Variants in PRICKLE2 observed in about 807,000 individuals in gnomAD.
PRICKLE2 encodes the protein prickle-like protein 2.
Under a neutral mutation model 81.4 loss-of-function variants are expected in PRICKLE2, and 21 were observed. The ratio of observed to expected loss-of-function variants is 0.26; its 90% CI spans 0.18 to 0.37. The LOEUF (loss-of-function observed/expected upper bound fraction) is 0.37. PRICKLE2 is among the 10% of genes least tolerant of loss of function. The probability of loss-of-function intolerance (pLI) is 1.00; values close to 1 mark genes in which losing one functional copy is unlikely to be tolerated. For missense variants in PRICKLE2, 940 were observed against 1,109.0 expected (o/e 0.85, Z 2.16); for synonymous variants, 456 against 421.5 (o/e 1.08, Z -1.00).
At chr3:64,105,748 T>C (rs1353510628) in intron 7 of PRICKLE2, 1 of 152,198 alleles carries the variant, frequency 6.6e-6, no homozygotes, top group Non-Finnish European at 1.5e-5. Context: ...GATGGAACTG[T>C]ACTGTCACAG....
chr3:64,246,426 CA>C (rs1395752949), intron 2 of PRICKLE2, among the ~76,000 whole-genome samples: 1 of 152,164 alleles, frequency 6.6e-6, no homozygotes, highest in Non-Finnish European at 1.5e-5. Flanking sequence ...AGCACCCCCA[CA>C]ACCCTACCTT....
intron 2 of PRICKLE2, among the ~76,000 whole-genome samples, chr3:64,180,691 TC>T (rs1345992366): frequency 7.2e-5 from 11 of 152,008 alleles, no homozygotes; most frequent in African/African-American, 2.4e-4. Context: ...TGCCACCACA[TC>T]CGGCTAATTT....
intron 2 of PRICKLE2, among the ~76,000 whole-genome samples, chr3:64,234,044 A>C (rs1171035528): frequency 6.6e-6 from 1 of 152,186 alleles, no homozygotes; most frequent in Admixed American, 6.5e-5. Flanking sequence ...GTACTAATAT[A>C]CATCATATTC....
intron 6 of PRICKLE2, 44 bp downstream of exon 6, chr3:64,153,138 C>A (rs1437216463): frequency 1.3e-6 from 2 of 1,562,192 alleles, no homozygotes; most frequent in African/African-American, 1.4e-5. Context: ...ACAAAGGTGA[C>A]CGCATCACAG....
chr3:64,228,860 A>G (rs965439907), upstream of PRICKLE2, among the ~76,000 whole-genome samples: 3 of 152,240 alleles, frequency 2.0e-5, no homozygotes, highest in South Asian at 2.1e-4. Context: ...CCATAATTGC[A>G]TATAGTATAT....
At chr3:64,118,610 ATAAT>A (rs1242740245) in intron 7 of PRICKLE2, among the ~76,000 whole-genome samples, 3 of 152,180 alleles carry the variant, frequency 2.0e-5, no homozygotes, top group Non-Finnish European at 4.4e-5. Context: ...AACATCACTG[ATAAT>A]TAGAGAAATG....
chr3:64,092,860 T>A lies in PRICKLE2; in HGVS notation c.*6191A>T, dbSNP rs1312210623. ...ACATTGACAATGTGTGGAGACATTT[T>A]TAATTGTGGTTAAATAAACATAATA... On this transcript the variant is annotated 3_prime_UTR_variant, in exon 8 of 8. Transcript: ENST00000638394. 6.6e-6 allele frequency: 1 copy of A among 152,198 alleles called. No individual in the cohort carries two copies. Among genetic ancestry groups the A allele is most frequent in the African/African-American group, 2.4e-5 (1 of 41,452 alleles). The allele number at this position is 152,198 out of a possible 1,614,324, so 9.4% of individuals were successfully genotyped here.
At chr3:64,130,706 G>A (rs1269662013) in intron 7 of PRICKLE2, among the ~76,000 whole-genome samples, 2 of 152,110 alleles carry the variant, frequency 1.3e-5, no homozygotes, top group Non-Finnish European at 2.9e-5. Flanking sequence ...TTAACACTAT[G>A]GTTCTCAATA....
intron 7 of PRICKLE2, among the ~76,000 whole-genome samples, chr3:64,110,317 C>A (rs1448980857): frequency 1.3e-5 from 2 of 152,126 alleles, no homozygotes; most frequent in Non-Finnish European, 2.9e-5. Context: ...CTAAATGGCT[C>A]CCAAGTGGTA....
At chr3:64,185,625 CT>C (rs1351479480) in intron 2 of PRICKLE2, among the ~76,000 whole-genome samples, 1 of 152,148 alleles carries the variant, frequency 6.6e-6, no homozygotes, top group Non-Finnish European at 1.5e-5. Context: ...ATGATTAATA[CT>C]GAGCAGTTCT....
At chr3:64,177,073 T>C (rs1480823917) in intron 2 of PRICKLE2, among the ~76,000 whole-genome samples, 1 of 150,982 alleles carries the variant, frequency 6.6e-6, no homozygotes, top group Non-Finnish European at 1.5e-5. Context: ...CAGTGTTTTT[T>C]AATTAAAATT....
At chr3:64,169,305 G>A (rs1337840540) in intron 2 of PRICKLE2, among the ~76,000 whole-genome samples, 38 of 152,120 alleles carry the variant, frequency 2.5e-4, no homozygotes, top group Admixed American at 2.3e-3. Context: ...AGGATAGTAG[G>A]ACGGAAAGTT....
chr3:64,264,333 C>G (rs1437338733), intron 2 of PRICKLE2, among the ~76,000 whole-genome samples: 3 of 152,128 alleles, frequency 2.0e-5, no homozygotes, highest in Admixed American at 6.5e-5. Flanking sequence ...ACGTGCTTCT[C>G]AAGATAAAGT....
intron 6 of PRICKLE2, among the ~76,000 whole-genome samples, chr3:64,148,079 T>C (rs1241801068): frequency 6.6e-6 from 1 of 152,238 alleles, no homozygotes; most frequent in Non-Finnish European, 1.5e-5. Context: ...TTGAGCTAGC[T>C]TTCTAATATT....
At chr3:64,195,177 G>T (rs2078427194) in intron 2 of PRICKLE2, among the ~76,000 whole-genome samples, 1 of 152,184 alleles carries the variant, frequency 6.6e-6, no homozygotes, top group Admixed American at 6.5e-5. Flanking sequence ...CAACTTCTCT[G>T]ATCAGTTTTC....
intron 7 of PRICKLE2, chr3:64,103,010 C>CA (rs1237615225): frequency 6.6e-6 from 1 of 152,064 alleles, no homozygotes; most frequent in East Asian, 1.9e-4. Flanking sequence ...ACAAATGTGG[C>CA]AAAAGGTTAA....
In PRICKLE2 at chr3:64,099,243, AGAG is replaced by A; in HGVS notation, c.2340_2342del (p.Ser782del). 6.2e-7 allele frequency: 1 copy of A among 1,614,174 alleles called. No homozygotes were observed. Among genetic ancestry groups the A allele is most frequent in the Non-Finnish European group, 8.5e-7 (1 of 1,180,026 alleles). On this transcript the variant is annotated inframe_deletion, in exon 8 of 8. Transcript: ENST00000638394. The surrounding 1 kb of genome is among the most constrained non-coding windows in gnomAD (Gnocchi z 4.3). ...AATAGCCCTCGTTGTCAGACTCTGA[AGAG>A]GAGGAGCAGGTGGAACACCAATCAT...
chr3:64,224,910 C>A lies in PRICKLE2; in HGVS notation c.-41G>T, dbSNP rs983516882. 1.0e-6 allele frequency: 1 copy of A among 985,224 alleles called. No individual in the cohort carries two copies. Among genetic ancestry groups the A allele is most frequent in the Non-Finnish European group, 1.2e-6 (1 of 829,900 alleles). The allele number at this position is 985,224 out of a possible 1,614,324, so 61.0% of individuals were successfully genotyped here. ...GAATTAGAGCAAATTTCTTACCCAC[C>A]TCCAGGGAGGATGAAATGCCCAGTC... On this transcript the variant is annotated splice_region_variant and 5_prime_UTR_variant, in exon 1 of 8. It adds an upstream start codon to the 5' untranslated region. Transcript: ENST00000638394.
At chr3:64,118,263 A>G (rs1351829454) in intron 7 of PRICKLE2, among the ~76,000 whole-genome samples, 2 of 152,220 alleles carry the variant, frequency 1.3e-5, no homozygotes, top group Non-Finnish European at 2.9e-5. Context: ...CCTAGGCAAT[A>G]TCATTCAGGA....
Sources: gnomAD v4.1 joint callset for allele counts (sites outside exome capture counted in the v4.1 genomes callset) on GRCh38, gnomAD v4.1.1 for gene constraint, Gnocchi (gnomAD v3.1) non-coding constraint, MANE v1.5 for transcripts, NCBI Gene and HGNC (gene_info 2026-07-23, HGNC 2026-07-21) for gene names.